The following PCSK5 variants were observed in gnomAD, a reference collection of about 807,000 sequenced individuals.
The protein encoded by PCSK5 is proprotein convertase subtilisin/kexin type 5.
A neutral mutation model predicts 233.2 loss-of-function variants in PCSK5; 129 were observed. The ratio of observed to expected loss-of-function variants is 0.55; its 90% CI spans 0.48 to 0.64. The LOEUF (loss-of-function observed/expected upper bound fraction) is 0.64. Ranked by LOEUF, PCSK5 falls within the 30% of genes least tolerant of loss-of-function variation. The pLI, the probability that PCSK5 is intolerant of heterozygous loss-of-function variation, is 0.00. For missense variants in PCSK5, 2,076 were observed against 2,430.1 expected (o/e 0.85, Z 3.06); for synonymous variants, 825 against 879.2 (o/e 0.94, Z 1.09).
At chr9:76,293,548 C>T (rs2131409754) in intron 25 of PCSK5, among the ~76,000 whole-genome samples, 1 of 152,320 alleles carries the variant, frequency 6.6e-6, no homozygotes, top group Admixed American at 6.5e-5. Context: ...CTCCCAAGTT[C>T]AAGTGATTCT....
chr9:75,891,708 A>G (rs921492660), intron 1 of PCSK5, among the ~76,000 whole-genome samples: 6 of 151,514 alleles, frequency 4.0e-5, no homozygotes, highest in Non-Finnish European at 8.8e-5. Context: ...GAGTAGCACT[A>G]GTAATCTGAG....
intron 14 of PCSK5, chr9:76,175,344 C>G (rs1272797503): frequency 1.9e-6 from 1 of 513,434 alleles, no homozygotes; most frequent in Non-Finnish European, 3.4e-6. Flanking sequence ...ACAGAACAAT[C>G]TACTACCCAT....
intron 20 of PCSK5, among the ~76,000 whole-genome samples, chr9:76,212,281 G>A (rs1825358550): frequency 6.6e-6 from 1 of 152,102 alleles, no homozygotes; most frequent in Non-Finnish European, 1.5e-5. Context: ...ATTGCTTATG[G>A]CATGGCTGTA....
At chr9:75,966,138 C>A (rs973558669) in intron 2 of PCSK5, among the ~76,000 whole-genome samples, 2 of 152,154 alleles carry the variant, frequency 1.3e-5, no homozygotes, top group Non-Finnish European at 2.9e-5. Context: ...CTCTAGGAAT[C>A]ACTCTGAGGT....
At chr9:76,036,468 G>C (rs888116149) in intron 5 of PCSK5, among the ~76,000 whole-genome samples, 1 of 152,134 alleles carries the variant, frequency 6.6e-6, no homozygotes. Flanking sequence ...CTAGGTACCA[G>C]CCCCAGCCTT....
At chr9:76,166,343 A>G (rs1823085466) in intron 12 of PCSK5, among the ~76,000 whole-genome samples, 1 of 152,152 alleles carries the variant, frequency 6.6e-6, no homozygotes, top group Non-Finnish European at 1.5e-5. Context: ...GCTTTGAAAC[A>G]CTTACTTGAA....
intron 2 of PCSK5, among the ~76,000 whole-genome samples, chr9:75,974,766 C>T (rs967715707): frequency 6.6e-6 from 1 of 152,188 alleles, no homozygotes; most frequent in Non-Finnish European, 1.5e-5. Flanking sequence ...ATTCACACTC[C>T]TCCTCACCAA....
chr9:75,952,209 C>A (rs547760474), intron 2 of PCSK5, among the ~76,000 whole-genome samples: 1 of 152,212 alleles, frequency 6.6e-6, no homozygotes, highest in Admixed American at 6.5e-5. Flanking sequence ...AACTATAATT[C>A]AATATTTGTT....
intron 5 of PCSK5, among the ~76,000 whole-genome samples, chr9:76,064,732 G>T (rs1489083287): frequency 6.6e-6 from 1 of 150,732 alleles, no homozygotes; most frequent in Non-Finnish European, 1.5e-5. Flanking sequence ...CCTCCCAGAC[G>T]GGGTCTCGGC....
intron 2 of PCSK5, among the ~76,000 whole-genome samples, chr9:75,944,872 G>A (rs1044207181): frequency 2.0e-5 from 3 of 152,138 alleles, no homozygotes; most frequent in South Asian, 2.1e-4. Context: ...CACATTGGGA[G>A]GCCTAGGCAG....
At chr9:76,111,561 T>A (rs927064180) in intron 9 of PCSK5, among the ~76,000 whole-genome samples, 1 of 152,210 alleles carries the variant, frequency 6.6e-6, no homozygotes, top group Non-Finnish European at 1.5e-5. Context: ...TGGTTCAGAA[T>A]GTTTAATAGT....
At chr9:76,352,968 G>C (rs548964288) in intron 36 of PCSK5, among the ~76,000 whole-genome samples, 1 of 151,802 alleles carries the variant, frequency 6.6e-6, no homozygotes, top group Non-Finnish European at 1.5e-5. Flanking sequence ...AGGATCACTT[G>C]AATCCGATCA....
At chr9:76,081,758 C>G (rs1830846828) in intron 7 of PCSK5, among the ~76,000 whole-genome samples, 1 of 152,154 alleles carries the variant, frequency 6.6e-6, no homozygotes, top group Admixed American at 6.5e-5. Context: ...TATTCTCTCA[C>G]TTGTTGATGG....
chr9:75,991,013 C>G (rs1458747683), intron 3 of PCSK5, among the ~76,000 whole-genome samples: 2 of 152,178 alleles, frequency 1.3e-5, no homozygotes, highest in Admixed American at 1.3e-4. Context: ...TAGTGTGTGT[C>G]AAGCATTTTG....
At chr9:76,044,562 T>G (rs1008472121) in intron 5 of PCSK5, among the ~76,000 whole-genome samples, 1 of 152,330 alleles carries the variant, frequency 6.6e-6, no homozygotes, top group Admixed American at 6.5e-5. Context: ...CAGTTTTCTG[T>G]GAGCATTACA....
At chr9:76,341,685 C>T (rs1196478527) in intron 35 of PCSK5, among the ~76,000 whole-genome samples, 1 of 152,182 alleles carries the variant, frequency 6.6e-6, no homozygotes, top group Non-Finnish European at 1.5e-5. Context: ...TGGTTCTTTA[C>T]TCCCTCTCTC....
rs773088862 is a variant in PCSK5, at chr9:76,157,122, C to T, written c.1390C>T (p.Arg464Trp). 6 of 1,613,580 alleles carry T rather than the reference C, an allele frequency of 3.7e-6. 1 individual carries two copies. The South Asian group carries it at 4.4e-5, about 12-fold the overall frequency. The change falls in exon 11 of 38, where the codon CGG becomes TGG. Residue 464 changes from arginine (R) to tryptophan (W), a missense_variant. Physicochemically the swap from Arg to Trp is moderately radical, Grantham distance 101. This residue lies in a region of PCSK5 where 64 missense variants were observed against 68.6 expected (regional missense o/e 0.93). Coordinates refer to ENST00000674117, the MANE Select transcript of PCSK5 (RefSeq NM_001372043.1). ...GGCAGAGAAGTGGACCACCGTTCCCCGGCAGCACGTGTGTGTGGAGAGCAC... is the reference window on the plus strand; with the variant it reads ...GGCAGAGAAGTGGACCACCGTTCCCTGGCAGCACGTGTGTGTGGAGAGCAC... ...MEAEKWTTVP[R>W]QHVCVESTDR...
intron 13 of PCSK5, among the ~76,000 whole-genome samples, chr9:76,170,836 C>T (rs1030105576): frequency 2.0e-5 from 3 of 152,190 alleles, no homozygotes; most frequent in Non-Finnish European, 2.9e-5. Context: ...ATAAAGGGCA[C>T]GTTTGCCAGA....
At chr9:75,948,224 A>G (rs1465245996) in intron 2 of PCSK5, among the ~76,000 whole-genome samples, 1 of 151,972 alleles carries the variant, frequency 6.6e-6, no homozygotes, top group Non-Finnish European at 1.5e-5. Context: ...GGTTTGTTAC[A>G]TATGTATACA....
Sources: gnomAD v4.1 joint callset for allele counts (sites outside exome capture counted in the v4.1 genomes callset) on GRCh38, gnomAD v4.1.1 for gene constraint, gnomAD v4.1.1 regional missense constraint, MANE v1.5 for transcripts, NCBI Gene and HGNC (gene_info 2026-07-23, HGNC 2026-07-21) for gene names.